PRKD1: variants seen among roughly 807,000 people sequenced by gnomAD.
PRKD1 encodes the protein serine/threonine-protein kinase D1.
In PRKD1, 63 loss-of-function variants were observed where a neutral mutation model predicts 95.9. That is an observed-to-expected ratio of 0.66 (90% confidence interval 0.54 to 0.81). The LOEUF (loss-of-function observed/expected upper bound fraction) is 0.81. Ranked by LOEUF, PRKD1 falls within the 30% of genes least tolerant of loss-of-function variation. The pLI, the probability that PRKD1 is intolerant of heterozygous loss-of-function variation, is 0.00. For synonymous variants in PRKD1, 425 were observed against 423.1 expected (o/e 1.00, Z -0.05); for missense variants, 1,048 against 1,165.3 (o/e 0.90, Z 1.47).
intron 1 of PRKD1, among the ~76,000 whole-genome samples, chr14:29,853,635 G>A (rs775235410): frequency 8.5e-5 from 13 of 152,180 alleles, no homozygotes; most frequent in Non-Finnish European, 1.3e-4. Context: ...AGTTTCTGAC[G>A]CTAAGTTACA....
intron 13 of PRKD1, among the ~76,000 whole-genome samples, chr14:29,617,261 C>T (rs1341412208): frequency 6.6e-6 from 1 of 152,090 alleles, no homozygotes; most frequent in African/African-American, 2.4e-5. Context: ...TACCTCTAGG[C>T]TTGTCTCTAA....
intron 2 of PRKD1, among the ~76,000 whole-genome samples, chr14:29,714,245 A>G (rs1028742294): frequency 6.6e-6 from 1 of 152,170 alleles, no homozygotes; most frequent in Non-Finnish European, 1.5e-5. Context: ...TGATATAGTG[A>G]ACAATTTCTT....
At chr14:29,833,371 T>C (rs966708550) in intron 1 of PRKD1, among the ~76,000 whole-genome samples, 1 of 152,142 alleles carries the variant, frequency 6.6e-6, no homozygotes, top group Non-Finnish European at 1.5e-5. Context: ...TATTCTTTTA[T>C]AATAAACCTG....
At chr14:29,668,472 G>T (rs1251492929) in intron 2 of PRKD1, among the ~76,000 whole-genome samples, 1 of 152,118 alleles carries the variant, frequency 6.6e-6, no homozygotes, top group Non-Finnish European at 1.5e-5. Context: ...TCTTTTATTT[G>T]CTCTATTCAC....
intron 1 of PRKD1, among the ~76,000 whole-genome samples, chr14:29,753,371 G>T (rs80231756): frequency 0.011 from 1,717 of 152,130 alleles, 34 homozygotes; most frequent in East Asian, 0.076. Flanking sequence ...CAGTCCTTGG[G>T]TGGCTCTATA....
intron 13 of PRKD1, among the ~76,000 whole-genome samples, chr14:29,608,572 G>T (rs992331514): frequency 2.6e-5 from 4 of 151,870 alleles, no homozygotes; most frequent in Non-Finnish European, 4.4e-5. Context: ...TTTTCTTGTT[G>T]CCAACCCTAA....
intron 2 of PRKD1, among the ~76,000 whole-genome samples, chr14:29,710,943 G>T (rs1321768451): frequency 6.6e-6 from 1 of 152,018 alleles, no homozygotes; most frequent in African/African-American, 2.4e-5. Flanking sequence ...TGTCTCCCTC[G>T]TTCTGCATGT....
In PRKD1 at chr14:29,739,828, A is replaced by T. The variant is rs45549537; in HGVS notation, c.265-14154T>A. On this transcript the variant is annotated intron_variant, in intron 1 of 17. Coordinates refer to ENST00000331968, the MANE Select transcript of PRKD1 (RefSeq NM_002742.3). ...GTGAGATACTTAATGGTTGGCAAAA[A>T]CCTTCTTTTATTTTAATTTGAATAA... Among the ~76,000 whole-genome samples the T allele has an allele frequency of 9.4e-3, 1,437 of 152,246 alleles. 28 individuals are homozygous for T. The highest frequency in any genetic ancestry group is 0.033 in the African/African-American group (1,366 of 41,542).
intron 2 of PRKD1, among the ~76,000 whole-genome samples, chr14:29,696,706 C>A (rs1884537184): frequency 6.6e-6 from 1 of 152,112 alleles, no homozygotes; most frequent in African/African-American, 2.4e-5. Context: ...TGAAGTAAAT[C>A]ACTTTCTATT....
chr14:29,663,070 A>T (rs943499806), intron 4 of PRKD1, among the ~76,000 whole-genome samples: 1 of 146,482 alleles, frequency 6.8e-6, no homozygotes, highest in East Asian at 2.0e-4. Flanking sequence ...TTTTATATAT[A>T]ATATATATAA....
chr14:29,608,348 T>C (rs1049123445), intron 13 of PRKD1, among the ~76,000 whole-genome samples: 1 of 152,160 alleles, frequency 6.6e-6, no homozygotes, highest in Non-Finnish European at 1.5e-5. Context: ...AAATAAACTT[T>C]CAGATATTAA....
intron 1 of PRKD1, among the ~76,000 whole-genome samples, chr14:29,817,005 G>C (rs900582982): frequency 6.6e-6 from 1 of 152,122 alleles, no homozygotes; most frequent in African/African-American, 2.4e-5. Flanking sequence ...ATTAAGGCCT[G>C]AAGGATTACA....
At chr14:29,665,994 G>A (rs968141978) in intron 3 of PRKD1, 83 bp downstream of exon 3, 30 of 1,397,910 alleles carry the variant, frequency 2.1e-5, no homozygotes, top group South Asian at 3.7e-5. Flanking sequence ...TAGCTTTTAC[G>A]TATCTTTGCA....
chr14:29,843,519 A>T (rs545955376), intron 1 of PRKD1, among the ~76,000 whole-genome samples: 13 of 152,348 alleles, frequency 8.5e-5, no homozygotes, highest in African/African-American at 2.6e-4. Context: ...AAAGTTAGAG[A>T]TTCTTTTACA....
chr14:29,860,583 A>T (rs1212777351), intron 1 of PRKD1, among the ~76,000 whole-genome samples: 1 of 152,224 alleles, frequency 6.6e-6, no homozygotes, highest in Non-Finnish European at 1.5e-5. Context: ...GAGCTGATAC[A>T]GGAAGATACT....
chr14:29,885,547 A>G (rs77469398), intron 1 of PRKD1, among the ~76,000 whole-genome samples: 1 of 152,136 alleles, frequency 6.6e-6, no homozygotes, highest in East Asian at 1.9e-4. Flanking sequence ...TTTATCAAAG[A>G]CAGCTTATTT....
At chr14:29,687,613 A>G (rs1883960145) in intron 2 of PRKD1, among the ~76,000 whole-genome samples, 1 of 152,214 alleles carries the variant, frequency 6.6e-6, no homozygotes, top group Admixed American at 6.5e-5. Flanking sequence ...GTCTTTAGTT[A>G]CTACAACCAC....
At chr14:29,887,879 A>G (rs1258309394) in intron 1 of PRKD1, among the ~76,000 whole-genome samples, 1 of 152,198 alleles carries the variant, frequency 6.6e-6, no homozygotes, top group African/African-American at 2.4e-5. Flanking sequence ...TGGCATTCAC[A>G]CAACAAAAAA....
intron 8 of PRKD1, among the ~76,000 whole-genome samples, chr14:29,633,783 G>A (rs937581053): frequency 5.3e-5 from 8 of 152,244 alleles, no homozygotes; most frequent in East Asian, 1.9e-4. Context: ...ACAGATGGTC[G>A]AAATTATAGA....
Sources: allele counts gnomAD v4.1 joint callset (sites outside exome capture counted in the v4.1 genomes callset), GRCh38; gene constraint gnomAD v4.1.1; transcripts MANE v1.5; gene names NCBI Gene and HGNC (gene_info 2026-07-23, HGNC 2026-07-21).